The following DLG2 variants were observed in gnomAD, a reference collection of about 807,000 sequenced individuals.
DLG2 encodes the protein discs large MAGUK scaffold protein 2.
Under a neutral mutation model 132.5 loss-of-function variants are expected in DLG2, and 45 were observed. That is an observed-to-expected ratio of 0.34 (90% CI 0.27 to 0.44). The LOEUF (loss-of-function observed/expected upper bound fraction) is 0.44. Among genes scored for constraint, DLG2 ranks in the 20% least tolerant of loss-of-function variants. The pLI is 1.00. For missense variants in DLG2, 1,045 were observed against 1,196.9 expected (o/e 0.87, Z 1.87); for synonymous variants, 424 against 419.6 (o/e 1.01, Z -0.13).
chr11:84,310,214 C>T (rs2098272810), intron 7 of DLG2, among the ~76,000 whole-genome samples: 1 of 152,116 alleles, frequency 6.6e-6, no homozygotes, highest in African/African-American at 2.4e-5. Flanking sequence ...CAGCATACTT[C>T]AAAAGGTCTT....
At chr11:85,462,436 T>C (rs552904568) in intron 3 of DLG2, among the ~76,000 whole-genome samples, 3 of 152,220 alleles carry the variant, frequency 2.0e-5, no homozygotes, top group East Asian at 3.9e-4. Flanking sequence ...ATTAAGACAA[T>C]GTGGCACACA....
chr11:83,627,964 G>C (rs1375690070), intron 19 of DLG2, among the ~76,000 whole-genome samples: 1 of 152,214 alleles, frequency 6.6e-6, no homozygotes, highest in Non-Finnish European at 1.5e-5. Context: ...CTGATGGCCA[G>C]TGATGATGAG....
chr11:83,764,275 G>A (rs2094042540), intron 18 of DLG2, among the ~76,000 whole-genome samples: 1 of 152,196 alleles, frequency 6.6e-6, no homozygotes, highest in Non-Finnish European at 1.5e-5. Context: ...GAGACAGCAG[G>A]AGGGAGAAGC....
intron 6 of DLG2, among the ~76,000 whole-genome samples, chr11:84,935,653 G>T (rs950607981): frequency 1.3e-5 from 2 of 152,164 alleles, no homozygotes; most frequent in African/African-American, 4.8e-5. Flanking sequence ...GGGGAAGAGT[G>T]TTATTGGCAT....
intron 6 of DLG2, among the ~76,000 whole-genome samples, chr11:85,080,720 C>G (rs2067129300): frequency 6.6e-6 from 1 of 152,054 alleles, no homozygotes; most frequent in Non-Finnish European, 1.5e-5. Context: ...GGATAGTTAA[C>G]AATATTTTAT....
intron 21 of DLG2, among the ~76,000 whole-genome samples, chr11:83,512,683 T>G (rs2095095166): frequency 6.6e-6 from 1 of 151,750 alleles, no homozygotes; most frequent in Non-Finnish European, 1.5e-5. Flanking sequence ...CCCTCCCCCT[T>G]CCCCCCACCC....
At chr11:84,393,101 G>A (rs1348542218) in intron 7 of DLG2, among the ~76,000 whole-genome samples, 2 of 152,108 alleles carry the variant, frequency 1.3e-5, no homozygotes, top group African/African-American at 2.4e-5. Context: ...CTAAGAAAAT[G>A]GCCTAGAAAT....
At chr11:85,090,023 T>C (rs148913645) in intron 6 of DLG2, among the ~76,000 whole-genome samples, 178 of 152,320 alleles carry the variant, frequency 1.2e-3, no homozygotes, top group Middle Eastern at 3.4e-3. Context: ...TAGTAACCCC[T>C]ATTTTGGGCA....
intron 6 of DLG2, among the ~76,000 whole-genome samples, chr11:84,542,899 T>G (rs1250264556): frequency 1.3e-5 from 2 of 152,158 alleles, no homozygotes; most frequent in Non-Finnish European, 2.9e-5. Context: ...GTTTAAACAC[T>G]TTGACATTTA....
chr11:84,823,936 A>T (rs1398464175), intron 6 of DLG2, among the ~76,000 whole-genome samples: 1 of 151,954 alleles, frequency 6.6e-6, no homozygotes, highest in Non-Finnish European at 1.5e-5. Context: ...TACTGCAAAA[A>T]ATATTGATTG....
At chr11:83,743,301 T>C (rs1219566712) in intron 18 of DLG2, among the ~76,000 whole-genome samples, 1 of 152,176 alleles carries the variant, frequency 6.6e-6, no homozygotes, top group Non-Finnish European at 1.5e-5. Flanking sequence ...CATGAAATCC[T>C]GTCAGTTTTA....
intron 15 of DLG2, among the ~76,000 whole-genome samples, chr11:83,907,390 G>C (rs1030891198): frequency 3.3e-5 from 5 of 152,082 alleles, no homozygotes; most frequent in African/African-American, 1.2e-4. Flanking sequence ...ATAGAGAATA[G>C]AATTGAGAAT....
intron 6 of DLG2, among the ~76,000 whole-genome samples, chr11:85,070,748 T>G (rs189571408): frequency 1.3e-5 from 2 of 151,946 alleles, no homozygotes; most frequent in East Asian, 3.9e-4. Context: ...GAATGAATCC[T>G]CTCCCACCTT....
chr11:84,045,318 G>A (rs2096216902), intron 11 of DLG2, among the ~76,000 whole-genome samples: 1 of 151,630 alleles, frequency 6.6e-6, no homozygotes. Flanking sequence ...GATAGATGAG[G>A]AAAGGGTGGT....
At chr11:85,578,728 A>G (rs968430942) in intron 3 of DLG2, among the ~76,000 whole-genome samples, 2 of 152,214 alleles carry the variant, frequency 1.3e-5, no homozygotes, top group Non-Finnish European at 2.9e-5. Flanking sequence ...AAGTGTTAAA[A>G]TAACAGATAC....
At chr11:85,231,115 CTATT>C in intron 4 of DLG2, among the ~76,000 whole-genome samples, 1 of 152,046 alleles carries the variant, frequency 6.6e-6, no homozygotes, top group East Asian at 1.9e-4. Flanking sequence ...ATTTGGGAAA[CTATT>C]AAACTATTAT....
At chr11:84,640,939 C>CA (rs1254921681) in intron 6 of DLG2, among the ~76,000 whole-genome samples, 7 of 64,402 alleles carry the variant, frequency 1.1e-4, no homozygotes, top group African/African-American at 3.2e-4. Flanking sequence ...GACTCTGTCT[C>CA]AAAACAAACA....
chr11:83,996,616 C>T (rs2094039950), intron 11 of DLG2, among the ~76,000 whole-genome samples: 2 of 152,214 alleles, frequency 1.3e-5, no homozygotes, highest in Admixed American at 6.5e-5. Context: ...TACACATACA[C>T]AATGGAGAAC....
intron 6 of DLG2, among the ~76,000 whole-genome samples, chr11:84,742,152 T>G (rs1437015009): frequency 1.3e-5 from 2 of 152,074 alleles, no homozygotes; most frequent in Non-Finnish European, 2.9e-5. Context: ...CCTATACGAT[T>G]TATGGGGCAC....
Sources: gnomAD v4.1 joint callset for allele counts (sites outside exome capture counted in the v4.1 genomes callset) on GRCh38, gnomAD v4.1.1 for gene constraint, MANE v1.5 for transcripts, NCBI Gene and HGNC (gene_info 2026-07-23, HGNC 2026-07-21) for gene names.